C1orf21: variants seen among roughly 807,000 people sequenced by gnomAD.
C1orf21 encodes the protein chromosome 1 open reading frame 21.
A neutral mutation model predicts 18.7 loss-of-function variants in C1orf21; 3 were observed. That is an observed-to-expected ratio of 0.16 (90% CI 0.07 to 0.42). The LOEUF is 0.42. C1orf21 is among the 10% of genes least tolerant of loss of function. C1orf21 has a pLI of 0.99. For synonymous variants in C1orf21, 41 were observed against 46.4 expected (o/e 0.88, Z 0.47); for missense variants, 104 against 143.6 (o/e 0.72, Z 1.41).
At chr1:184,449,839 A>G (rs1348778763) in intron 1 of C1orf21, among the ~76,000 whole-genome samples, 3 of 152,162 alleles carry the variant, frequency 2.0e-5, no homozygotes, top group East Asian at 3.8e-4. Context: ...ATGTATCTCC[A>G]TATCACTTTC....
At chr1:184,541,578 A>T (rs1337686917) in intron 3 of C1orf21, among the ~76,000 whole-genome samples, 3 of 152,182 alleles carry the variant, frequency 2.0e-5, no homozygotes, top group Non-Finnish European at 2.9e-5. Flanking sequence ...TGACAGGGAG[A>T]AAATATGTGA....
intron 2 of C1orf21, among the ~76,000 whole-genome samples, chr1:184,501,250 C>T (rs1285937712): frequency 2.6e-5 from 4 of 152,164 alleles, no homozygotes; most frequent in South Asian, 2.1e-4. Flanking sequence ...TCCTGTAGCC[C>T]TATCAGCCTT....
At chr1:184,559,129 A>G (rs1658917064) in intron 3 of C1orf21, among the ~76,000 whole-genome samples, 1 of 152,110 alleles carries the variant, frequency 6.6e-6, no homozygotes, top group African/African-American at 2.4e-5. Context: ...TCTAGTGTTG[A>G]ATTGTAATCT....
chr1:184,584,037 A>G (rs114873624), intron 3 of C1orf21, among the ~76,000 whole-genome samples: 1,807 of 151,418 alleles, frequency 0.012, 42 homozygotes, highest in African/African-American at 0.042. Context: ...GCTTTATCCG[A>G]GCTGCTGCTG....
intron 3 of C1orf21, among the ~76,000 whole-genome samples, chr1:184,582,238 A>G (rs539812388): frequency 1.1e-4 from 16 of 152,338 alleles, no homozygotes; most frequent in Non-Finnish European, 2.2e-4. Context: ...TTTCTTAGAG[A>G]TTACATCCTG....
At chr1:184,496,371 A>G (rs1349982668) in intron 2 of C1orf21, among the ~76,000 whole-genome samples, 1 of 152,210 alleles carries the variant, frequency 6.6e-6, no homozygotes, top group Non-Finnish European at 1.5e-5. Context: ...AGTATAAAAG[A>G]CAGTAAACCT....
chr1:184,392,218 T>C lies in C1orf21; in HGVS notation c.-125+4850T>C, dbSNP rs888804108. 2.0e-5 allele frequency among the ~76,000 whole-genome samples: 3 copies of C among 152,362 alleles called. No homozygotes were observed. The East Asian group carries it at 5.8e-4, about 29-fold the overall frequency. ...TAACCTGTCTCATTTGACGTTTGGC[T>C]GCAGCCGTAGCAGTCAGGATTTTCC... On this transcript the variant is annotated intron_variant, in intron 1 of 5. Coordinates refer to ENST00000235307, the MANE Select transcript of C1orf21 (RefSeq NM_030806.4).
At position 184,626,945 on chromosome 1, in the gene C1orf21, T is replaced by C. The variant is rs1660021391; in HGVS notation, c.*7389T>C. 6.6e-6 allele frequency: 1 copy of C among 152,624 alleles called. No homozygotes were observed. The highest frequency in any genetic ancestry group is 1.5e-5 in the Non-Finnish European group (1 of 68,050). 9.5% of individuals were successfully genotyped at this position (152,624 alleles called of 1,614,324 possible). On this transcript the variant is annotated 3_prime_UTR_variant, in exon 6 of 6. Transcript: ENST00000235307. Reference sequence around the variant, plus strand: ...GGAAGCAGCAGAGGGCTTCCCTGTCTAGTGTGTGATCCTAACTAAAGGCAG... The same window carrying C: ...GGAAGCAGCAGAGGGCTTCCCTGTCCAGTGTGTGATCCTAACTAAAGGCAG...
rs60543907 is a variant in C1orf21, at chr1:184,588,721, G to A, written c.190-2018G>A. ...TGCTTAGAATAATGCCTGACTTACA[G>A]TAAGTGCTCAGTGAGTGGTTATTAT... On this transcript the variant is annotated intron_variant, in intron 3 of 5. Transcript: ENST00000235307. Among the ~76,000 whole-genome samples, 1,026 of 152,324 alleles carry A rather than the reference G, an allele frequency of 6.7e-3. 10 individuals carry two copies. The highest frequency in any genetic ancestry group is 0.023 in the African/African-American group (943 of 41,562).
intron 1 of C1orf21, among the ~76,000 whole-genome samples, chr1:184,423,467 A>T (rs1331655939): frequency 6.6e-6 from 1 of 152,196 alleles, no homozygotes; most frequent in Non-Finnish European, 1.5e-5. Context: ...CTGAATAGGC[A>T]ATGGGGAGCC....
rs1018577351 is a variant in C1orf21 at position 184,507,811 on chromosome 1, G to A, written c.189+129G>A. On this transcript the variant is annotated intron_variant, in intron 3 of 5. Transcript: ENST00000235307. ...CTTGAAAATGCTGCAGCTATTTATA[G>A]CTTGCCTGGAAGCTGCACCATTACT... 47 of 726,440 alleles carry A rather than the reference G, an allele frequency of 6.5e-5. 3 individuals carry two copies. In the South Asian group the frequency reaches 1.1e-3, roughly 17 times the overall value. The allele number at this position is 726,440 out of a possible 1,614,324, so 45.0% of individuals were successfully genotyped here.
chr1:184,615,540 A>C (rs986432969), intron 5 of C1orf21, among the ~76,000 whole-genome samples: 1 of 152,186 alleles, frequency 6.6e-6, no homozygotes, highest in Non-Finnish European at 1.5e-5. Context: ...TTAAGGGGGA[A>C]GGGCATACTT....
Position 184,477,394 on chromosome 1 carries a change from A to T in C1orf21, c.-116A>T, listed in dbSNP as rs1657587636. 1 of 773,858 alleles carries T rather than the reference A, an allele frequency of 1.3e-6. No homozygotes were observed. The highest frequency in any genetic ancestry group is 2.1e-6 in the Non-Finnish European group (1 of 477,696). The allele number at this position is 773,858 out of a possible 1,614,324, so 47.9% of individuals were successfully genotyped here. On this transcript the variant is annotated 5_prime_UTR_variant, in exon 2 of 6. Coordinates refer to ENST00000235307, the MANE Select transcript of C1orf21 (RefSeq NM_030806.4). ...GCTTTCTTTTCTTGCAGGTGCACAC[A>T]TCTTGACCAACTCAGCAGCAAGGTG...
intron 3 of C1orf21, among the ~76,000 whole-genome samples, chr1:184,577,074 C>G (rs1055789651): frequency 1.8e-4 from 28 of 151,876 alleles, no homozygotes; most frequent in African/African-American, 6.5e-4. Flanking sequence ...ATGATGTCCA[C>G]ATCCAAATCC....
At chr1:184,582,613 A>G (rs542347950) in intron 3 of C1orf21, among the ~76,000 whole-genome samples, 19 of 152,354 alleles carry the variant, frequency 1.2e-4, no homozygotes, top group Non-Finnish European at 2.6e-4. Flanking sequence ...GAAAAAGAAA[A>G]TGAGATTCCT....
At chr1:184,527,815 T>C (rs1658401129) in intron 3 of C1orf21, among the ~76,000 whole-genome samples, 1 of 152,192 alleles carries the variant, frequency 6.6e-6, no homozygotes, top group South Asian at 2.1e-4. Flanking sequence ...ACAGGATTGT[T>C]GTAAGGGCTA....
At chr1:184,484,185 T>G (rs1657699599) in intron 2 of C1orf21, among the ~76,000 whole-genome samples, 2 of 152,132 alleles carry the variant, frequency 1.3e-5, no homozygotes, top group South Asian at 4.1e-4. Flanking sequence ...CGCCTTGGCC[T>G]CCCAAAGTGC....
At chr1:184,409,077 A>G (rs140780217) in intron 1 of C1orf21, among the ~76,000 whole-genome samples, 13 of 152,230 alleles carry the variant, frequency 8.5e-5, no homozygotes, top group East Asian at 1.9e-4. Context: ...TCCGTTTCCT[A>G]TTCAGCACTT....
chr1:184,588,811 GT>G (rs1006455233), intron 3 of C1orf21, among the ~76,000 whole-genome samples: 2 of 152,182 alleles, frequency 1.3e-5, no homozygotes, highest in South Asian at 2.1e-4. Flanking sequence ...GTAGAAGAAA[GT>G]TTTTTTGGAA....
Sources: gnomAD v4.1 joint callset for allele counts (sites outside exome capture counted in the v4.1 genomes callset) on GRCh38, gnomAD v4.1.1 for gene constraint, MANE v1.5 for transcripts, NCBI Gene and HGNC (gene_info 2026-07-23, HGNC 2026-07-21) for gene names.